GLRX3: variants seen among roughly 807,000 people sequenced by gnomAD.
GLRX3 encodes glutaredoxin 3, also known as glutaredoxin-3.
A neutral mutation model predicts 49.5 loss-of-function variants in GLRX3; 22 were observed. The observed-to-expected ratio is 0.44, with a 90% CI of 0.32 to 0.63. The LOEUF (loss-of-function observed/expected upper bound fraction) is 0.63, where lower values mean the gene tolerates loss of function less well. Ranked by LOEUF, GLRX3 falls within the 30% of genes least tolerant of loss-of-function variation. GLRX3 has a pLI of 0.05. For missense variants in GLRX3, 385 were observed against 396.3 expected (o/e 0.97, Z 0.24); for synonymous variants, 133 against 140.0 (o/e 0.95, Z 0.35).
intron 2 of GLRX3, among the ~76,000 whole-genome samples, chr10:130,156,899 T>C (rs1241488234): frequency 6.6e-6 from 1 of 152,244 alleles, no homozygotes; most frequent in East Asian, 1.9e-4. Flanking sequence ...TGAAGTCTTG[T>C]ATAAATCCTA....
chr10:130,169,448 A>T lies in GLRX3; in HGVS notation c.729A>T (p.Thr243=). The change falls in exon 7 of 11, where the codon ACA becomes ACT. Residue 243 remains threonine, a synonymous_variant. Coordinates refer to ENST00000331244, the MANE Select transcript of GLRX3 (RefSeq NM_006541.5). The part of the protein sequence containing the change: ...PKLEERLKVL[T]NKASVMLFMK... ...CTCTCTTTAGGCTCAAAGTGCTGAC[A>T]AATAAAGCTTCTGTGATGCTCTTTA... 6.2e-7 allele frequency: 1 copy of T among 1,611,360 alleles called. No individual in the cohort carries two copies. Among genetic ancestry groups the T allele is most frequent in the South Asian group, 1.1e-5 (1 of 91,018 alleles).
chr10:130,139,421 C>T (rs1241563683), intron 1 of GLRX3, among the ~76,000 whole-genome samples: 2 of 151,100 alleles, frequency 1.3e-5, no homozygotes, highest in African/African-American at 2.4e-5. Context: ...GGGTGGATCA[C>T]GAGGTCAGGA....
Position 130,174,875 on chromosome 10 carries a change from A to G in GLRX3, c.833A>G (p.Tyr278Cys), listed in dbSNP as rs753281821. 1.3e-6 allele frequency: 2 copies of G among 1,591,538 alleles called. No individual in the cohort carries two copies. The highest frequency in any genetic ancestry group is 8.6e-7 in the Non-Finnish European group (1 of 1,159,438). The change falls in exon 9 of 11, where the codon TAT (tyrosine) becomes TGT (cysteine). Residue 278 changes from tyrosine to cysteine, a missense_variant. Tyr to Cys is a radical substitution (Grantham distance 194, BLOSUM62 -2). Transcript: ENST00000331244. ...TCTTCTCTTTTTTGCAGTGTTGAAT[A>G]TGAAACATTCGATATATTGGAGGAT... ...LEILNSTGVE[Y>C]ETFDILEDEE...
chr10:130,142,052 G>A (rs886564938), intron 1 of GLRX3, among the ~76,000 whole-genome samples: 1 of 152,134 alleles, frequency 6.6e-6, no homozygotes, highest in Admixed American at 6.5e-5. Flanking sequence ...TGGACCTGAG[G>A]CCCCACCTAC....
intron 2 of GLRX3, among the ~76,000 whole-genome samples, chr10:130,147,131 A>G (rs982378227): frequency 2.6e-5 from 4 of 152,222 alleles, no homozygotes; most frequent in South Asian, 2.1e-4. Context: ...TAAAATTCCA[A>G]TGAAATGTAT....
At chr10:130,179,191 C>T (rs1389075082) in intron 10 of GLRX3, 151 bp from the exon 11 acceptor site, 1 of 513,932 alleles carries the variant, frequency 1.9e-6, no homozygotes, top group African/African-American at 2.0e-5. Context: ...GTTTATGGCT[C>T]ATTTAGTTTG....
chr10:130,143,199 A>C (rs1469838586), intron 1 of GLRX3, among the ~76,000 whole-genome samples: 1 of 152,066 alleles, frequency 6.6e-6, no homozygotes, highest in Non-Finnish European at 1.5e-5. Context: ...CGAAATCCTC[A>C]TGCTGCTCTT....
Position 130,145,235 on chromosome 10 carries a change from G to T in GLRX3, c.117G>T (p.Trp39Cys). The T allele has an allele frequency of 1.3e-6, 2 of 1,499,458 alleles. No individual in the cohort carries two copies. Among genetic ancestry groups the T allele is most frequent in the Admixed American group, 1.7e-5 (1 of 58,464 alleles). 92.9% of individuals were successfully genotyped at this position (1,499,458 alleles called of 1,614,324 possible). Reference sequence around the variant, plus strand: ...GGTCCCTCCTTGTGGTCCATTTCTGGGCACCATGGGCTCCACAGTGTGCAC... The same window carrying T: ...GGTCCCTCCTTGTGGTCCATTTCTGTGCACCATGGGCTCCACAGTGTGCAC... The part of the protein sequence containing the change: ...KAKSLLVVHF[W>C]APWAPQCAQM... Residue 39 changes from tryptophan (W) to cysteine (C), a missense_variant, in exon 2 of 11, where the codon TGG (tryptophan) becomes TGT (cysteine). Around this residue, in one of 2 missense-constraint regions of GLRX3, gnomAD observed 374 missense variants for 358.6 expected, o/e 1.04. Coordinates refer to ENST00000331244, the MANE Select transcript of GLRX3 (RefSeq NM_006541.5).
chr10:130,178,949 C>T (rs1276713977), intron 10 of GLRX3, among the ~76,000 whole-genome samples: 2 of 152,166 alleles, frequency 1.3e-5, no homozygotes, highest in Non-Finnish European at 2.9e-5. Context: ...GGTGATCTGC[C>T]CTCCTCGGCC....
chr10:130,140,165 A>G (rs1324865957), intron 1 of GLRX3, among the ~76,000 whole-genome samples: 1 of 152,226 alleles, frequency 6.6e-6, no homozygotes, highest in Non-Finnish European at 1.5e-5. Flanking sequence ...TTTAATAAGC[A>G]GTAGCTGGTA....
chr10:130,179,949 C>T (rs1862993687), downstream of GLRX3, among the ~76,000 whole-genome samples: 1 of 152,176 alleles, frequency 6.6e-6, no homozygotes, highest in South Asian at 2.1e-4. Flanking sequence ...CACAAGGCAC[C>T]AGTAGTGAAT....
intron 2 of GLRX3, 83 bp downstream of exon 2, chr10:130,145,402 C>T (rs751369251): frequency 1.5e-6 from 1 of 676,160 alleles, no homozygotes; most frequent in Non-Finnish European, 2.7e-6. Flanking sequence ...GTAGCTCACA[C>T]CTGTAATCCC....
At chr10:130,166,390 A>G in intron 4 of GLRX3, 117 bp from the exon 5 acceptor site, 2 of 669,336 alleles carry the variant, frequency 3.0e-6, no homozygotes, top group South Asian at 4.3e-5. Flanking sequence ...AATCACCAGC[A>G]AAATAAGGCA....
intron 6 of GLRX3, among the ~76,000 whole-genome samples, chr10:130,167,183 A>G (rs80070289): frequency 1.4e-3 from 209 of 152,328 alleles, no homozygotes; most frequent in African/African-American, 4.9e-3. Context: ...CTTAGTGATC[A>G]TGTGGAGGAT....
In GLRX3 at chr10:130,169,975, T is replaced by C. The variant is rs117145922; in HGVS notation, c.771+485T>C. 5.1e-3 allele frequency among the ~76,000 whole-genome samples: 781 copies of C among 152,356 alleles called. 3 individuals carry two copies. Among genetic ancestry groups the C allele is most frequent in the Non-Finnish European group, 8.9e-3 (605 of 68,030 alleles). ...TGAAATGGTCAGCAATTCTCATTTT[T>C]AATGGGATGGTTCTTACAGCTTTTT... On this transcript the variant is annotated intron_variant, in intron 7 of 10. Transcript: ENST00000331244.
At chr10:130,147,907 T>C (rs1179466278) in intron 2 of GLRX3, among the ~76,000 whole-genome samples, 1 of 152,138 alleles carries the variant, frequency 6.6e-6, no homozygotes, top group African/African-American at 2.4e-5. Flanking sequence ...TAGCTGTGCA[T>C]GTTGGTGTGC....
intron 1 of GLRX3, among the ~76,000 whole-genome samples, chr10:130,139,639 C>T (rs1862135929): frequency 8.9e-6 from 1 of 112,608 alleles, no homozygotes. Context: ...AAGACTCCAT[C>T]TCAAAAAAAA....
chr10:130,161,589 C>T (rs1218699581), intron 4 of GLRX3, among the ~76,000 whole-genome samples: 1 of 152,178 alleles, frequency 6.6e-6, no homozygotes, highest in Admixed American at 6.5e-5. Context: ...CTTGTAGTCA[C>T]TCTTATTTTC....
intron 2 of GLRX3, among the ~76,000 whole-genome samples, chr10:130,146,618 T>C (rs1862275110): frequency 6.6e-6 from 1 of 152,212 alleles, no homozygotes; most frequent in Non-Finnish European, 1.5e-5. Context: ...TTGAGAGTCT[T>C]AGAAATGAAT....
Sources: gnomAD v4.1 joint callset for allele counts (sites outside exome capture counted in the v4.1 genomes callset) on GRCh38, gnomAD v4.1.1 for gene constraint, gnomAD v4.1.1 regional missense constraint, MANE v1.5 for transcripts, NCBI Gene and HGNC (gene_info 2026-07-23, HGNC 2026-07-21) for gene names.